The following IL17REL variants were observed in gnomAD, a reference collection of about 807,000 sequenced individuals.
The protein encoded by IL17REL is interleukin 17 receptor E like, also known as interleukin-17 receptor E-like protein.
A neutral mutation model predicts 49.0 loss-of-function variants in IL17REL; 36 were observed. That is an observed-to-expected ratio of 0.73 (90% CI 0.56 to 0.97). The LOEUF is 0.97. IL17REL is among the 50% of genes least tolerant of loss of function. The probability of loss-of-function intolerance (pLI) is 0.00; values close to 1 mark genes in which losing one functional copy is unlikely to be tolerated. For synonymous variants in IL17REL, 206 were observed against 192.4 expected (o/e 1.07, Z -0.58); for missense variants, 470 against 453.9 (o/e 1.04, Z -0.32).
At chr22:49,996,945 C>T in intron 12 of IL17REL, 49 bp downstream of exon 14, 1 of 949,584 alleles carries the variant, frequency 1.1e-6, no homozygotes. Context: ...GAACTGAGGT[C>T]CTGCAGTGGA....
intron 1 of IL17REL, among the ~76,000 whole-genome samples, chr22:50,002,272 G>A (rs1201023712): frequency 6.6e-6 from 1 of 152,150 alleles, no homozygotes; most frequent in Non-Finnish European, 1.5e-5. Flanking sequence ...TGCTTGCTTC[G>A]GCCTGCTCCC....
Position 50,000,417 on chromosome 22 carries a change from C to G in IL17REL, c.334+61G>C, listed in dbSNP as rs1052008518. 3.8e-5 allele frequency: 50 copies of G among 1,326,956 alleles called. No individual in the cohort carries two copies. The African/African-American group carries it at 6.8e-4, about 18-fold the overall frequency. The allele number at this position is 1,326,956 out of a possible 1,614,324, so 82.2% of individuals were successfully genotyped here. On this transcript the variant is annotated intron_variant, in intron 4 of 12. Transcript: ENST00000341280. Reference sequence around the variant, plus strand: ...AGGCCCCTGCCCTGGGCAAGTCCCACCCCAAGCCAGGCCCTGGAGGCTGAA... The same window carrying G: ...AGGCCCCTGCCCTGGGCAAGTCCCAGCCCAAGCCAGGCCCTGGAGGCTGAA...
At chr22:49,997,518 C>T in intron 10 of IL17REL, 35 bp from the exon 13 acceptor site, 1 of 1,368,522 alleles carries the variant, frequency 7.3e-7, no homozygotes, top group Non-Finnish European at 1.0e-6. Flanking sequence ...CCCATCCGGC[C>T]CAGCACCCCA....
At chr22:50,000,708 G>T in intron 3 of IL17REL, 46 bp downstream of exon 4, 2 of 1,542,692 alleles carry the variant, frequency 1.3e-6, no homozygotes, top group Non-Finnish European at 1.8e-6. Flanking sequence ...GAGGAGTGGC[G>T]CCCAGTCTTC....
upstream of IL17REL, among the ~76,000 whole-genome samples, chr22:50,012,042 T>C (rs904464447): frequency 4.4e-4 from 67 of 151,886 alleles, no homozygotes; most frequent in African/African-American, 1.6e-3. Context: ...GTACACTTCC[T>C]GCTGCAGGTG....
At chr22:49,993,352 C>A (rs1336725997), downstream of IL17REL, among the ~76,000 whole-genome samples, 1 of 152,196 alleles carries the variant, frequency 6.6e-6, no homozygotes, top group African/African-American at 2.4e-5. This position sits in a 1 kb window ranked among gnomAD's most constrained non-coding sequence, Gnocchi z 6.0. Flanking sequence ...GCCCCTACCG[C>A]ACCCCCCTTT....
chr22:50,007,252 C>T (rs1249249862), intron 1 of IL17REL, among the ~76,000 whole-genome samples: 2 of 152,116 alleles, frequency 1.3e-5, no homozygotes, highest in Non-Finnish European at 2.9e-5. Context: ...AGATCCGCCC[C>T]CTCCACCCAA....
At chr22:49,993,411 G>A (rs1429692661), downstream of IL17REL, among the ~76,000 whole-genome samples, 2 of 152,152 alleles carry the variant, frequency 1.3e-5, no homozygotes, top group Non-Finnish European at 2.9e-5. The surrounding 1 kb of genome is among the most constrained non-coding windows in gnomAD (Gnocchi z 6.0). Flanking sequence ...TGTGGGGGTG[G>A]GTTTCCGGCG....
chr22:49,997,455 G>A (rs1369753131), intron 10 of IL17REL: 2 of 1,585,712 alleles, frequency 1.3e-6, no homozygotes, highest in Admixed American at 1.7e-5. Context: ...GGCCCTTTGT[G>A]GGCGAAGGCT....
chr22:49,998,372 G>T (rs1348717969), intron 7 of IL17REL, 63 bp from the exon 10 acceptor site: 1 of 1,485,532 alleles, frequency 6.7e-7, no homozygotes, highest in Admixed American at 2.2e-5. Context: ...AGGCCCATGG[G>T]GTCTAGCACC....
At chr22:50,003,111 G>A (rs970480695) in intron 1 of IL17REL, among the ~76,000 whole-genome samples, 2 of 152,220 alleles carry the variant, frequency 1.3e-5, no homozygotes, top group African/African-American at 2.4e-5. Flanking sequence ...TATGAGAGGG[G>A]AGAGGATAAC....
upstream of IL17REL, among the ~76,000 whole-genome samples, chr22:50,011,652 C>T (rs1213856199): frequency 6.6e-6 from 1 of 152,090 alleles, no homozygotes; most frequent in Non-Finnish European, 1.5e-5. Context: ...TGAACCCGCC[C>T]ATCTCCCCTG....
rs1190295299 is a variant in IL17REL, at chr22:49,997,442, G to A, written c.878-26C>T. 1.4e-5 allele frequency: 22 copies of A among 1,606,808 alleles called. 1 individual carries two copies. In the East Asian group the frequency reaches 4.9e-4, roughly 36 times the overall value. ...CTGGACGAGAAGAAGGTGACCCGGA[G>A]GTGGCCCTTTGTGGGCGAAGGCTGG... is the stretch of plus-strand genomic sequence containing the variant. On this transcript the variant is annotated intron_variant, in intron 10 of 12. Transcript: ENST00000341280.
At chr22:50,011,334 A>C (rs1379331268), upstream of IL17REL, among the ~76,000 whole-genome samples, 1 of 149,706 alleles carries the variant, frequency 6.7e-6, no homozygotes, top group African/African-American at 2.5e-5. Context: ...TGAGGGTTCA[A>C]TCTTGGTCCC....
chr22:50,012,008 C>T (rs1409703370), upstream of IL17REL, among the ~76,000 whole-genome samples: 7 of 152,180 alleles, frequency 4.6e-5, no homozygotes, highest in Admixed American at 6.5e-5. Flanking sequence ...CCTTGGGCAC[C>T]GGGGCCCCTT....
At chr22:49,999,878 G>C (rs2061067340) in exon 5 of IL17REL, 1 of 1,544,104 alleles carries the variant, frequency 6.5e-7, no homozygotes, top group African/African-American at 1.4e-5. Context: ...AGGCAGAGCC[G>C]CAGGTAGTAG....
chr22:50,001,260 C>G, intron 1 of IL17REL, 29 bp from the exon 3 acceptor site: 1 of 987,180 alleles, frequency 1.0e-6, no homozygotes, highest in South Asian at 1.4e-5. Flanking sequence ...CGTGAGGCCT[C>G]GAGTTCCCTG....
upstream of IL17REL, among the ~76,000 whole-genome samples, chr22:50,012,121 C>T (rs1211012785): frequency 1.3e-5 from 2 of 152,164 alleles, no homozygotes; most frequent in Non-Finnish European, 2.9e-5. Flanking sequence ...CACCCCAACC[C>T]AGCCACCTCC....
At chr22:50,002,580 C>T (rs532156966) in intron 1 of IL17REL, among the ~76,000 whole-genome samples, 19 of 151,622 alleles carry the variant, frequency 1.3e-4, no homozygotes, top group African/African-American at 4.6e-4. Context: ...CTGTAACCTC[C>T]GCCTCCCAGC....
Sources: gnomAD v4.1 joint callset for allele counts (sites outside exome capture counted in the v4.1 genomes callset) on GRCh38, gnomAD v4.1.1 for gene constraint, Gnocchi (gnomAD v3.1) non-coding constraint, MANE v1.5 for transcripts, NCBI Gene and HGNC (gene_info 2026-07-23, HGNC 2026-07-21) for gene names.